Variants in ARID4B observed in about 807,000 individuals in gnomAD.
The protein encoded by ARID4B is AT-rich interactive domain-containing protein 4B.
ARID4B carries 26 observed loss-of-function variants against 147.5 expected under a neutral mutation model. That is an observed-to-expected ratio of 0.18 (90% CI 0.13 to 0.24). The LOEUF (loss-of-function observed/expected upper bound fraction) is 0.24, where lower values mean the gene tolerates loss of function less well. ARID4B is among the 10% of genes least tolerant of loss of function. ARID4B has a pLI of 1.00. For synonymous variants in ARID4B, 512 were observed against 507.9 expected, an observed-to-expected ratio of 1.01 and a Z score of -0.11; for missense variants, 1,179 against 1,511.5, an observed-to-expected ratio of 0.78 and a Z score of 3.65.
chr1:235,195,592 C>CAA (rs58536627), intron 18 of ARID4B, among the ~76,000 whole-genome samples: 9 of 96,608 alleles, frequency 9.3e-5, no homozygotes, highest in Admixed American at 3.3e-4. Context: ...ACTCTGTCTC[C>CAA]AAAAAAAAAA....
Position 235,182,103 on chromosome 1 carries a change from G to T in ARID4B, c.2816C>A (p.Thr939Lys). The change falls in exon 20 of 24, where the codon ACG becomes AAG. Residue 939 changes from threonine (T) to lysine (K), a missense_variant. By Grantham distance (78) the Thr-to-Lys change is moderately conservative. Transcript: ENST00000264183. ...SSIQGQWPKK[T>K]LKELFSDSDT... ...AGAGTCTGAAAAAAGCTCTTTCAGCGTTTTTTTAGGCCACTGTCCCTGAAT... is the reference window on the plus strand; with the variant it reads ...AGAGTCTGAAAAAAGCTCTTTCAGCTTTTTTTTAGGCCACTGTCCCTGAAT... 6.2e-7 allele frequency: 1 copy of T among 1,614,078 alleles called. No individual in the cohort carries two copies.
chr1:235,242,294 G>C (rs965899933), intron 7 of ARID4B, among the ~76,000 whole-genome samples: 3 of 151,308 alleles, frequency 2.0e-5, no homozygotes, highest in Non-Finnish European at 4.4e-5. Flanking sequence ...ACTTAAAGAA[G>C]TTCAATCTCT....
At chr1:235,236,075 G>C (rs778857451) in intron 8 of ARID4B, among the ~76,000 whole-genome samples, 2 of 151,500 alleles carry the variant, frequency 1.3e-5, no homozygotes, top group Non-Finnish European at 2.9e-5. Context: ...TACAGGCACA[G>C]GCCACCCAGA....
intron 3 of ARID4B, among the ~76,000 whole-genome samples, chr1:235,258,593 T>C (rs1670120788): frequency 6.6e-6 from 1 of 152,188 alleles, no homozygotes; most frequent in African/African-American, 2.4e-5. Context: ...AACAATTGTT[T>C]TCTCTAACAA....
chr1:235,230,740 G>A (rs980247361), intron 10 of ARID4B, among the ~76,000 whole-genome samples: 12 of 151,690 alleles, frequency 7.9e-5, no homozygotes, highest in African/African-American at 1.7e-4. Flanking sequence ...TGGGCAACAC[G>A]GTGAAACCCC....
chr1:235,260,317 C>T (rs1310036126), intron 3 of ARID4B, among the ~76,000 whole-genome samples: 5 of 152,278 alleles, frequency 3.3e-5, no homozygotes, highest in Admixed American at 1.3e-4. Flanking sequence ...GGAGAAATCA[C>T]TAACCCTCTC....
At chr1:235,279,147 C>T (rs146976180) in intron 2 of ARID4B, among the ~76,000 whole-genome samples, 6 of 152,250 alleles carry the variant, frequency 3.9e-5, no homozygotes, top group African/African-American at 1.4e-4. Flanking sequence ...TAGAAACTCT[C>T]CGGGAGGGAA....
At chr1:235,186,655 G>A (rs191965454) in intron 19 of ARID4B, among the ~76,000 whole-genome samples, 9 of 151,556 alleles carry the variant, frequency 5.9e-5, no homozygotes, top group African/African-American at 7.3e-5. Context: ...CACCTGCCTC[G>A]GCCTCCCAAA....
chr1:235,193,888 T>C (rs1665295180), intron 19 of ARID4B, 125 bp downstream of exon 19: 1 of 659,420 alleles, frequency 1.5e-6, no homozygotes, highest in African/African-American at 1.8e-5. Flanking sequence ...CAACCTGTAA[T>C]AAGAGAGCAA....
chr1:235,319,725 G>A (rs1015410321), intron 2 of ARID4B, among the ~76,000 whole-genome samples: 4 of 152,008 alleles, frequency 2.6e-5, no homozygotes, highest in African/African-American at 9.7e-5. Flanking sequence ...AAGGGAGGAC[G>A]GCCAGGTGCA....
chr1:235,183,398 CG>C (rs1445892136), intron 19 of ARID4B, among the ~76,000 whole-genome samples: 1 of 151,982 alleles, frequency 6.6e-6, no homozygotes, highest in Non-Finnish European at 1.5e-5. Flanking sequence ...TTAGTAGACA[CG>C]GGGTTTCACT....
intron 2 of ARID4B, among the ~76,000 whole-genome samples, chr1:235,312,968 G>A (rs1572220389): frequency 1.4e-5 from 2 of 145,352 alleles, no homozygotes; most frequent in Middle Eastern, 6.8e-3. Context: ...GCAAGATTCT[G>A]CTTCAAGAAA....
intron 3 of ARID4B, among the ~76,000 whole-genome samples, chr1:235,260,023 AG>A (rs962523959): frequency 3.9e-5 from 6 of 152,234 alleles, no homozygotes; most frequent in Non-Finnish European, 8.8e-5. Flanking sequence ...TCTATATTCA[AG>A]TTCACTTGTC....
In ARID4B at chr1:235,181,714, T is replaced by C. The variant is rs1253251343; in HGVS notation, c.3205A>G (p.Ile1069Val). 8 of 1,614,018 alleles carry C rather than the reference T, an allele frequency of 5.0e-6. No homozygotes were observed. The highest frequency in any genetic ancestry group is 2.2e-5 in the East Asian group (1 of 44,896). ...RSIKSETDSTIEVDSVAGELQ... is the reference protein window; with the variant it reads ...RSIKSETDSTVEVDSVAGELQ... ...TCCCCAGCAACACTATCCACCTCAATTGTGCTATCAGTTTCACTCTTGATA... is the reference window on the plus strand; with the variant it reads ...TCCCCAGCAACACTATCCACCTCAACTGTGCTATCAGTTTCACTCTTGATA... The change falls in exon 20 of 24, where the codon ATT becomes GTT. Residue 1069 changes from isoleucine (I) to valine (V), a missense_variant. Ile to Val is a conservative substitution (Grantham distance 29, BLOSUM62 3). Transcript: ENST00000264183.
intron 8 of ARID4B, among the ~76,000 whole-genome samples, chr1:235,238,986 C>CT (rs5781822): frequency 7.3e-4 from 102 of 139,374 alleles, no homozygotes; most frequent in East Asian, 1.4e-3. Context: ...TTTTTTTCTT[C>CT]TTTTTTTTTT....
chr1:235,259,237 T>C (rs1670157644), intron 3 of ARID4B, among the ~76,000 whole-genome samples: 1 of 152,250 alleles, frequency 6.6e-6, no homozygotes, highest in South Asian at 2.1e-4. Context: ...GACTGCTACA[T>C]GTCATTTTCC....
chr1:235,209,570 T>G (rs544491081), intron 17 of ARID4B, among the ~76,000 whole-genome samples: 145 of 110,392 alleles, frequency 1.3e-3, no homozygotes, highest in African/African-American at 1.3e-3. Flanking sequence ...TTTGTTTTGT[T>G]TTTTTTTTTT....
chr1:235,219,802 G>C lies in ARID4B; in HGVS notation c.1574C>G (p.Ala525Gly), dbSNP rs1311183619. Residue 525 changes from alanine to glycine, a missense_variant, in exon 16 of 24, where the codon GCA becomes GGA. Ala to Gly is a moderately conservative substitution (Grantham distance 60). Coordinates refer to ENST00000264183, the MANE Select transcript of ARID4B (RefSeq NM_016374.6). ...NIKVEAEEEK[A>G]KSGDETNKEE... The stretch of plus-strand genomic sequence containing the variant: ...AAAACAATTTTCTTACCCAGATTTT[G>C]CTTTTTCTTCCTCAGCTTCTACCTT... 2.5e-6 allele frequency: 4 copies of C among 1,595,906 alleles called. No homozygotes were observed. The highest frequency in any genetic ancestry group is 1.4e-5 in the African/African-American group (1 of 73,682).
chr1:235,254,459 T>C lies in ARID4B; in HGVS notation c.274+1201A>G, dbSNP rs1245777979. On this transcript the variant is annotated intron_variant, in intron 5 of 23. Coordinates refer to ENST00000264183, the MANE Select transcript of ARID4B (RefSeq NM_016374.6). Reference sequence around the variant, plus strand: ...CTACTGTAGGTGAAATAAAAATCTGTTTGTAAAACAAAAATAAAAATAAAT... The same window carrying C: ...CTACTGTAGGTGAAATAAAAATCTGCTTGTAAAACAAAAATAAAAATAAAT... Among the ~76,000 whole-genome samples the C allele has an allele frequency of 3.9e-5, 6 of 151,980 alleles. No individual in the cohort carries two copies. In the East Asian group the frequency reaches 1.2e-3, roughly 29 times the overall value.
Sources: gnomAD v4.1 joint callset for allele counts (sites outside exome capture counted in the v4.1 genomes callset) on GRCh38, gnomAD v4.1.1 for gene constraint, MANE v1.5 for transcripts, NCBI Gene and HGNC (gene_info 2026-07-23, HGNC 2026-07-21) for gene names.